Variants in AGAP4 observed in about 807,000 individuals in gnomAD.
AGAP4 encodes the protein ArfGAP with GTPase domain, ankyrin repeat and PH domain 4, also known as arf-GAP with GTPase, ANK repeat and PH domain-containing protein 4.
A neutral mutation model predicts 60.7 loss-of-function variants in AGAP4; 13 were observed. The ratio of observed to expected loss-of-function variants is 0.21; its 90% CI spans 0.14 to 0.34. AGAP4 has a LOEUF of 0.34. Ranked by LOEUF, AGAP4 falls within the 10% of genes least tolerant of loss-of-function variation. AGAP4 has a pLI of 1.00. For synonymous variants in AGAP4, 70 were observed against 339.0 expected, an observed-to-expected ratio of 0.21 and a Z score of 8.72; for missense variants, 169 against 884.0, an observed-to-expected ratio of 0.19 and a Z score of 10.26.
intron 1 of AGAP4, chr10:45,853,513 G>A (rs1288101006): frequency 9.4e-7 from 1 of 1,066,770 alleles, no homozygotes; most frequent in African/African-American, 1.7e-5. Context: ...GTTTCACAAT[G>A]ACATGTCAGC....
intron 6 of AGAP4, among the ~76,000 whole-genome samples, chr10:45,830,632 C>T (rs1656596): frequency 2.3e-4 from 28 of 124,402 alleles, no homozygotes; most frequent in South Asian, 1.5e-3. Flanking sequence ...ACTACAGGTG[C>T]GTGCCATCAT....
At chr10:45,848,779 T>G (rs1275278052), upstream of AGAP4, 1 of 152,066 alleles carries the variant, frequency 6.6e-6, no homozygotes, top group African/African-American at 2.4e-5. Flanking sequence ...CAGTTTCACA[T>G]GGCTGGGGAG....
At chr10:45,852,217 TAAAAA>T (rs781889843), upstream of AGAP4, among the ~76,000 whole-genome samples, 29,336 of 91,390 alleles carry the variant, frequency 0.32, 4,142 homozygotes, top group South Asian at 0.57. Context: ...GGCCAGACTT[TAAAAA>T]AAAAAAAAAA....
At chr10:45,843,855 T>C (rs2058958744) in intron 3 of AGAP4, among the ~76,000 whole-genome samples, 1 of 149,858 alleles carries the variant, frequency 6.7e-6, no homozygotes, top group Non-Finnish European at 1.5e-5. Flanking sequence ...GGTAAATGAA[T>C]GTGGTCAGAG....
intron 6 of AGAP4, among the ~76,000 whole-genome samples, chr10:45,830,675 C>T (rs563317206): frequency 1.0e-4 from 13 of 127,688 alleles, no homozygotes; most frequent in South Asian, 5.9e-4. Flanking sequence ...TTAGTAGAGA[C>T]GGGGCTTCGC....
upstream of AGAP4, among the ~76,000 whole-genome samples, chr10:45,851,124 T>C (rs1270515626): frequency 6.6e-6 from 1 of 152,052 alleles, no homozygotes; most frequent in African/African-American, 2.4e-5. Flanking sequence ...ATTCTGTTGT[T>C]CTCAGAGAAT....
chr10:45,844,581 A>C, intron 2 of AGAP4, 187 bp from the exon 3 acceptor site: 1 of 881,580 alleles, frequency 1.1e-6, no homozygotes, highest in South Asian at 2.1e-5. Flanking sequence ...CCAGCTACTC[A>C]GGAGGCTGAG....
upstream of AGAP4, among the ~76,000 whole-genome samples, chr10:45,849,243 A>AAAAC (rs2059049335): frequency 6.7e-6 from 1 of 150,072 alleles, no homozygotes; most frequent in Non-Finnish European, 1.5e-5. Context: ...AAAACAAAAC[A>AAAAC]AAACCCTATA....
intron 3 of AGAP4, among the ~76,000 whole-genome samples, chr10:45,842,334 C>G: frequency 6.6e-6 from 1 of 150,548 alleles, no homozygotes; most frequent in East Asian, 2.0e-4. Flanking sequence ...CTCTGCCTCC[C>G]AGGTTCAAGC....
upstream of AGAP4, among the ~76,000 whole-genome samples, chr10:45,850,614 A>T (rs1263610939): frequency 6.6e-6 from 1 of 152,260 alleles, no homozygotes; most frequent in Non-Finnish European, 1.5e-5. Flanking sequence ...GAGTAATGCT[A>T]AGGGCAGTGG....
At chr10:45,840,033 C>A (rs2058891902) in intron 4 of AGAP4, among the ~76,000 whole-genome samples, 1 of 149,842 alleles carries the variant, frequency 6.7e-6, no homozygotes, top group African/African-American at 2.5e-5. Flanking sequence ...AAAAAAGTAA[C>A]AGAGAAAATA....
At chr10:45,834,986 G>C (rs1382504636) in intron 4 of AGAP4, among the ~76,000 whole-genome samples, 1 of 146,344 alleles carries the variant, frequency 6.8e-6, no homozygotes, top group Non-Finnish European at 1.5e-5. Flanking sequence ...TGTTAGCCAG[G>C]ATGGTCTCGA....
At chr10:45,843,668 T>C (rs1317951958) in intron 3 of AGAP4, among the ~76,000 whole-genome samples, 1 of 134,566 alleles carries the variant, frequency 7.4e-6, no homozygotes, top group Non-Finnish European at 1.6e-5. Flanking sequence ...CCCTCACTTG[T>C]GTTCTTGCTG....
chr10:45,840,631 G>GA (rs1406273602), intron 4 of AGAP4, among the ~76,000 whole-genome samples: 2 of 50,620 alleles, frequency 4.0e-5, no homozygotes, highest in East Asian at 1.2e-3. Context: ...ATACTTGGGG[G>GA]AAAACAGCTG....
chr10:45,837,359 GA>G (rs1222991001), intron 4 of AGAP4, among the ~76,000 whole-genome samples: 3 of 150,970 alleles, frequency 2.0e-5, no homozygotes, highest in African/African-American at 4.8e-5. Context: ...CACAGAACTA[GA>G]AAAAACAATC....
At chr10:45,829,836 C>A (rs1554896848) in intron 6 of AGAP4, among the ~76,000 whole-genome samples, 4 of 150,468 alleles carry the variant, frequency 2.7e-5, no homozygotes, top group African/African-American at 9.7e-5. Flanking sequence ...GGCTTGGCAG[C>A]TTTTCAATAC....
intron 6 of AGAP4, among the ~76,000 whole-genome samples, chr10:45,830,087 T>C (rs1373486665): frequency 6.7e-6 from 1 of 148,886 alleles, no homozygotes; most frequent in Non-Finnish European, 1.5e-5. Flanking sequence ...GATTTAGTGT[T>C]AACAAATACC....
upstream of AGAP4, among the ~76,000 whole-genome samples, chr10:45,849,457 A>AGATGATGATGAT (rs1219114195): frequency 7.6e-5 from 11 of 145,308 alleles, no homozygotes; most frequent in South Asian, 2.2e-4. Flanking sequence ...ATGACATTGT[A>AGATGATGATGAT]GATGATGATG....
upstream of AGAP4, chr10:45,854,352 G>T (rs1327497395): frequency 2.6e-5 from 4 of 152,662 alleles, no homozygotes; most frequent in Non-Finnish European, 5.8e-5. Context: ...AACAGGCCAG[G>T]TGCGGTGGCT....
Sources: allele counts gnomAD v4.1 joint callset (sites outside exome capture counted in the v4.1 genomes callset), GRCh38; gene constraint gnomAD v4.1.1; transcripts MANE v1.5; gene names NCBI Gene and HGNC (gene_info 2026-07-23, HGNC 2026-07-21).